The following MACROD2 variants were observed in gnomAD, a reference collection of about 807,000 sequenced individuals.
MACROD2 encodes ADP-ribose glycohydrolase MACROD2.
A neutral mutation model predicts 70.4 loss-of-function variants in MACROD2; 36 were observed. That is an observed-to-expected ratio of 0.51 (90% CI 0.39 to 0.68). The LOEUF (loss-of-function observed/expected upper bound fraction) is 0.68. MACROD2 is among the 30% of genes least tolerant of loss of function. MACROD2 has a pLI of 0.00. For synonymous variants in MACROD2, 172 were observed against 178.8 expected (o/e 0.96, Z 0.30); for missense variants, 496 against 538.4 (o/e 0.92, Z 0.78).
intron 3 of MACROD2, among the ~76,000 whole-genome samples, chr20:14,208,208 TGGAATAGATGGATTACA>T (rs2081541879): frequency 6.6e-6 from 1 of 152,124 alleles, no homozygotes; most frequent in African/African-American, 2.4e-5. Context: ...GTAGTTGTAG[TGGAATAGATGGATTACA>T]GGGTCTTGGG....
chr20:15,709,647 A>G (rs569505352), intron 8 of MACROD2, among the ~76,000 whole-genome samples: 2 of 152,316 alleles, frequency 1.3e-5, no homozygotes, highest in Non-Finnish European at 2.9e-5. Flanking sequence ...CGCCTAGGTG[A>G]CAGAGGGAGA....
chr20:16,020,320 C>G (rs1360770020), intron 15 of MACROD2, among the ~76,000 whole-genome samples: 1 of 152,072 alleles, frequency 6.6e-6, no homozygotes, highest in Non-Finnish European at 1.5e-5. Context: ...TGGTCCTTTG[C>G]TCCTGGCCAT....
chr20:14,074,155 C>G (rs1206191624), intron 2 of MACROD2, among the ~76,000 whole-genome samples: 1 of 152,152 alleles, frequency 6.6e-6, no homozygotes, highest in Non-Finnish European at 1.5e-5. Flanking sequence ...TCCATTGACC[C>G]CATCCTGCCC....
At chr20:15,839,674 A>G (rs2064150516) in intron 8 of MACROD2, among the ~76,000 whole-genome samples, 1 of 152,160 alleles carries the variant, frequency 6.6e-6, no homozygotes, top group African/African-American at 2.4e-5. Context: ...AGCTGACCAC[A>G]TATCATCTAT....
At chr20:15,283,078 C>G (rs1004967808) in intron 6 of MACROD2, among the ~76,000 whole-genome samples, 10 of 152,138 alleles carry the variant, frequency 6.6e-5, no homozygotes, top group African/African-American at 1.9e-4. Flanking sequence ...CTCATGAGAA[C>G]TCACTCACTA....
intron 2 of MACROD2, among the ~76,000 whole-genome samples, chr20:14,011,242 G>T (rs1405468835): frequency 3.9e-5 from 6 of 152,160 alleles, no homozygotes; most frequent in African/African-American, 1.4e-4. Context: ...CCTGATAGGA[G>T]CACAGCGTCT....
At chr20:14,823,446 G>C (rs2072869239) in intron 5 of MACROD2, among the ~76,000 whole-genome samples, 1 of 152,128 alleles carries the variant, frequency 6.6e-6, no homozygotes, top group Non-Finnish European at 1.5e-5. Context: ...GACATAAGGA[G>C]TCTGGAGCTG....
chr20:15,813,497 G>T (rs1443284641), intron 8 of MACROD2, among the ~76,000 whole-genome samples: 1 of 152,170 alleles, frequency 6.6e-6, no homozygotes, highest in Non-Finnish European at 1.5e-5. Flanking sequence ...AAATATCCTG[G>T]CTGGATGCAG....
At chr20:15,202,300 G>A (rs1601218540) in intron 5 of MACROD2, among the ~76,000 whole-genome samples, 2 of 152,256 alleles carry the variant, frequency 1.3e-5, no homozygotes, top group East Asian at 3.9e-4. Flanking sequence ...CATAACTACT[G>A]CTTAAGATAT....
At chr20:15,421,141 G>C (rs2046221947) in intron 6 of MACROD2, among the ~76,000 whole-genome samples, 1 of 152,112 alleles carries the variant, frequency 6.6e-6, no homozygotes, top group African/African-American at 2.4e-5. Flanking sequence ...ATTTTGGGAG[G>C]CTGAGACAGG....
At chr20:15,454,440 CACACACACACACA>C (rs1164042894) in intron 7 of MACROD2, among the ~76,000 whole-genome samples, 1 of 110,384 alleles carries the variant, frequency 9.1e-6, no homozygotes, top group African/African-American at 2.8e-5. Flanking sequence ...CACACACACA[CACACACACACACA>C]CCCTTATTAT....
chr20:14,281,995 A>T (rs2082310567), intron 3 of MACROD2, among the ~76,000 whole-genome samples: 1 of 151,226 alleles, frequency 6.6e-6, no homozygotes, highest in African/African-American at 2.4e-5. Context: ...ATCCTAAATT[A>T]TATATTTTTA....
At chr20:15,038,065 A>G (rs1203156825) in intron 5 of MACROD2, among the ~76,000 whole-genome samples, 3 of 152,194 alleles carry the variant, frequency 2.0e-5, no homozygotes, top group Non-Finnish European at 4.4e-5. Context: ...ATGTACAATT[A>G]TGTGTCAATT....
chr20:14,844,103 G>A (rs1436927467), intron 5 of MACROD2, among the ~76,000 whole-genome samples: 1 of 152,022 alleles, frequency 6.6e-6, no homozygotes, highest in African/African-American at 2.4e-5. Context: ...CACTCACACT[G>A]ATTATGAGTT....
At chr20:15,487,253 C>T (rs2047174341) in intron 7 of MACROD2, among the ~76,000 whole-genome samples, 1 of 152,134 alleles carries the variant, frequency 6.6e-6, no homozygotes, top group Non-Finnish European at 1.5e-5. Flanking sequence ...ATCCAGCACT[C>T]TCAGAAAGTG....
intron 5 of MACROD2, among the ~76,000 whole-genome samples, chr20:15,204,725 A>T (rs1179068799): frequency 6.6e-6 from 1 of 152,180 alleles, no homozygotes; most frequent in Non-Finnish European, 1.5e-5. Context: ...TAAATTCAGA[A>T]CATAATGCAT....
intron 10 of MACROD2, among the ~76,000 whole-genome samples, chr20:15,925,886 G>A (rs1200777180): frequency 1.3e-5 from 2 of 152,174 alleles, no homozygotes; most frequent in Non-Finnish European, 2.9e-5. Context: ...TGTCCTAATG[G>A]TTGAAGACTA....
chr20:14,309,996 A>C (rs1203539330), intron 3 of MACROD2, among the ~76,000 whole-genome samples: 1 of 152,110 alleles, frequency 6.6e-6, no homozygotes, highest in Non-Finnish European at 1.5e-5. Context: ...TTCAGCATGT[A>C]TGGGGTACGT....
chr20:14,713,046 G>A (rs192961089), intron 5 of MACROD2, among the ~76,000 whole-genome samples: 78 of 152,266 alleles, frequency 5.1e-4, no homozygotes, highest in Middle Eastern at 3.4e-3. Flanking sequence ...ATGGATTTGA[G>A]AAGTCAAGTC....
Sources: allele counts gnomAD v4.1 joint callset (sites outside exome capture counted in the v4.1 genomes callset), GRCh38; gene constraint gnomAD v4.1.1; transcripts MANE v1.5; gene names NCBI Gene and HGNC (gene_info 2026-07-23, HGNC 2026-07-21).